MYH11: variants seen among roughly 807,000 people sequenced by gnomAD.
The protein encoded by MYH11 is myosin-11.
MYH11 carries 80 observed loss-of-function variants against 246.6 expected under a neutral mutation model. That is an observed-to-expected ratio of 0.32 (90% CI 0.27 to 0.39). MYH11 has a LOEUF of 0.39. Ranked by LOEUF, MYH11 falls within the 10% of genes least tolerant of loss-of-function variation. The probability of loss-of-function intolerance (pLI) is 1.00; values close to 1 mark genes in which losing one functional copy is unlikely to be tolerated. For synonymous variants in MYH11, 1,071 were observed against 1,015.5 expected (o/e 1.05, Z -1.04); for missense variants, 2,158 against 2,546.8 (o/e 0.85, Z 3.29).
intron 3 of MYH11, among the ~76,000 whole-genome samples, chr16:15,810,265 C>T (rs1422933183): frequency 6.6e-6 from 1 of 151,950 alleles, no homozygotes; most frequent in Non-Finnish European, 1.5e-5. Flanking sequence ...GAACTCCTGA[C>T]CTCAGATGAT....
chr16:15,758,059 G>A, intron 12 of MYH11, 59 bp from the exon 13 acceptor site: 1 of 1,610,958 alleles, frequency 6.2e-7, no homozygotes, highest in Admixed American at 1.7e-5. Context: ...AGAAGACAAG[G>A]AGCCCCACAG....
intron 3 of MYH11, among the ~76,000 whole-genome samples, chr16:15,810,942 A>G (rs1175776531): frequency 1.3e-5 from 2 of 152,170 alleles, no homozygotes; most frequent in Non-Finnish European, 2.9e-5. Flanking sequence ...ATTCAACCAA[A>G]GATATTTAAC....
intron 22 of MYH11, among the ~76,000 whole-genome samples, chr16:15,740,676 C>A (rs1464907407): frequency 6.6e-6 from 1 of 151,906 alleles, no homozygotes; most frequent in Non-Finnish European, 1.5e-5. Flanking sequence ...ACCTCCTCAT[C>A]TATAAAATGA....
chr16:15,733,482 C>G (rs1259288796), intron 26 of MYH11, among the ~76,000 whole-genome samples: 1 of 150,682 alleles, frequency 6.6e-6, no homozygotes, highest in South Asian at 2.1e-4. Context: ...ATCCACCCGC[C>G]TCAGCCTCCC....
chr16:15,775,413 T>C (rs11075279), intron 8 of MYH11, among the ~76,000 whole-genome samples: 3 of 129,490 alleles, frequency 2.3e-5, no homozygotes, highest in Admixed American at 7.9e-5. Flanking sequence ...CCTGTGCTCA[T>C]TGGTTTATGT....
At chr16:15,787,657 TAG>T (rs1465385440) in intron 4 of MYH11, among the ~76,000 whole-genome samples, 5 of 151,776 alleles carry the variant, frequency 3.3e-5, no homozygotes, top group Non-Finnish European at 5.9e-5. Context: ...GTATTTTTAG[TAG>T]AGACGGGGTT....
intron 18 of MYH11, 39 bp downstream of exon 18, chr16:15,747,835 C>G (rs1370502175): frequency 6.2e-7 from 1 of 1,613,336 alleles, no homozygotes; most frequent in African/African-American, 1.3e-5. Context: ...TGGCTTGCGG[C>G]CAGAGGTTGG....
At chr16:15,781,497 C>A (rs1474819481) in intron 6 of MYH11, among the ~76,000 whole-genome samples, 1 of 152,202 alleles carries the variant, frequency 6.6e-6, no homozygotes, top group African/African-American at 2.4e-5. Flanking sequence ...ACCCCCTTCT[C>A]CTGGAATGCA....
At chr16:15,718,498 C>T (rs1298688576) in intron 36 of MYH11, 60 bp from the exon 37 acceptor site, 17 of 1,533,430 alleles carry the variant, frequency 1.1e-5, no homozygotes, top group Non-Finnish European at 1.5e-5. Context: ...AAGATGCCCC[C>T]TCCTTGGAGT....
intron 8 of MYH11, among the ~76,000 whole-genome samples, chr16:15,773,635 T>C (rs569095370): frequency 2.4e-4 from 37 of 152,138 alleles, no homozygotes; most frequent in African/African-American, 8.7e-4. Context: ...ATATCACAGG[T>C]TGGCAAATCT....
At chr16:15,856,042 C>T (rs1239177263) in intron 1 of MYH11, among the ~76,000 whole-genome samples, 1 of 152,136 alleles carries the variant, frequency 6.6e-6, no homozygotes, top group African/African-American at 2.4e-5. Context: ...AGGCAGTAGC[C>T]ACACTTTCTC....
intron 2 of MYH11, among the ~76,000 whole-genome samples, chr16:15,827,377 A>T (rs1448643818): frequency 6.6e-6 from 1 of 152,220 alleles, no homozygotes; most frequent in Admixed American, 6.5e-5. Flanking sequence ...AAGACAAAGC[A>T]GGGACATGGG....
At chr16:15,714,085 C>G (rs1689527224) in intron 40 of MYH11, 1 of 152,404 alleles carries the variant, frequency 6.6e-6, no homozygotes, top group Non-Finnish European at 1.5e-5. Context: ...CGTCGCCCAC[C>G]TGGATGTTGA....
At chr16:15,834,128 T>C (rs1441226750) in intron 2 of MYH11, among the ~76,000 whole-genome samples, 1 of 152,022 alleles carries the variant, frequency 6.6e-6, no homozygotes, top group Non-Finnish European at 1.5e-5. Flanking sequence ...CACAGGCCTG[T>C]CCTGAAACTC....
At chr16:15,746,986 G>A (rs761896915) in intron 19 of MYH11, among the ~76,000 whole-genome samples, 6 of 152,092 alleles carry the variant, frequency 3.9e-5, no homozygotes, top group Non-Finnish European at 5.9e-5. Flanking sequence ...CACTCGGGAG[G>A]CTCAGACACG....
chr16:15,822,425 T>C (rs1174522991), intron 3 of MYH11, among the ~76,000 whole-genome samples: 1 of 152,090 alleles, frequency 6.6e-6, no homozygotes, highest in Non-Finnish European at 1.5e-5. Flanking sequence ...ATGCCTATAA[T>C]CCCAGAACTT....
At chr16:15,708,218 C>T (rs1375412170) in intron 40 of MYH11, among the ~76,000 whole-genome samples, 1 of 152,178 alleles carries the variant, frequency 6.6e-6, no homozygotes, top group Non-Finnish European at 1.5e-5. Flanking sequence ...CGGCATTTGT[C>T]AGACATCGCA....
At chr16:15,800,597 T>TTGGATGGATGGATGGATGGA (rs138132973) in intron 3 of MYH11, among the ~76,000 whole-genome samples, 1 of 143,074 alleles carries the variant, frequency 7.0e-6, no homozygotes, top group Non-Finnish European at 1.5e-5. Flanking sequence ...GGTAAATGAG[T>TTGGATGGATGGATGGATGGA]TGGATGGATG....
chr16:15,759,766 T>A, intron 11 of MYH11, 38 bp from the exon 12 acceptor site: 1 of 1,612,252 alleles, frequency 6.2e-7, no homozygotes, highest in Non-Finnish European at 8.5e-7. Flanking sequence ...TTATTCTCAA[T>A]GGGCTCCATT....
Sources: allele counts gnomAD v4.1 joint callset (sites outside exome capture counted in the v4.1 genomes callset), GRCh38; gene constraint gnomAD v4.1.1; transcripts MANE v1.5; gene names NCBI Gene and HGNC (gene_info 2026-07-23, HGNC 2026-07-21).